The following ADRA1A variants were observed in gnomAD, a reference collection of about 807,000 sequenced individuals.
The protein encoded by ADRA1A is alpha-1A adrenergic receptor.
A neutral mutation model predicts 29.6 loss-of-function variants in ADRA1A; 31 were observed. The observed-to-expected ratio is 1.05, with a 90% CI of 0.79 to 1.41. The LOEUF is 1.41. Among genes scored for constraint, ADRA1A ranks in the 40% most tolerant of loss-of-function variants. The pLI is 0.00. For missense variants in ADRA1A, 619 were observed against 601.1 expected (o/e 1.03, Z -0.31); for synonymous variants, 311 against 254.3 (o/e 1.22, Z -2.12).
chr8:26,850,025 C>CAAAAAAAAAAAAAAAA (rs141672591), intron 2 of ADRA1A, among the ~76,000 whole-genome samples: 1 of 121,548 alleles, frequency 8.2e-6, no homozygotes, highest in Non-Finnish European at 1.7e-5. Flanking sequence ...GAGAGAAATG[C>CAAAAAAAAAAAAAAAA]AAAAACAAAA....
At chr8:26,859,615 G>C (rs1813298376) in intron 2 of ADRA1A, among the ~76,000 whole-genome samples, 1 of 152,098 alleles carries the variant, frequency 6.6e-6, no homozygotes, top group African/African-American at 2.4e-5. Flanking sequence ...TACATAGCCA[G>C]TACATTCTTG....
At chr8:26,786,744 TGGG>T (rs11446463) in intron 2 of ADRA1A, among the ~76,000 whole-genome samples, 3 of 145,498 alleles carry the variant, frequency 2.1e-5, no homozygotes, top group East Asian at 2.0e-4. Flanking sequence ...CATGCTGGGT[TGGG>T]GGGGGGGGTC....
intron 2 of ADRA1A, among the ~76,000 whole-genome samples, chr8:26,834,996 A>G (rs1195187869): frequency 6.6e-6 from 1 of 152,244 alleles, no homozygotes; most frequent in Non-Finnish European, 1.5e-5. Context: ...AATAAATCAT[A>G]AACAATGAAA....
In ADRA1A at chr8:26,775,011, C is replaced by G. The variant is rs1045411466; in HGVS notation, c.884-4345G>C. Among the ~76,000 whole-genome samples the G allele has an allele frequency of 6.6e-6, 1 of 152,150 alleles. No individual in the cohort carries two copies. The highest frequency in any genetic ancestry group is 1.5e-5 in the Non-Finnish European group (1 of 68,038). Reference sequence around the variant, plus strand: ...CTCCAGCCATCAGGACCTAGAGGGTCAGGGCTGAACCAGCCTGGTTCAGGG... The same window carrying G: ...CTCCAGCCATCAGGACCTAGAGGGTGAGGGCTGAACCAGCCTGGTTCAGGG... On this transcript the variant is annotated intron_variant, in intron 2 of 2. Transcript: ENST00000380573. This position sits in a 1 kb window ranked among gnomAD's most constrained non-coding sequence, Gnocchi z 4.1.
intron 2 of ADRA1A, among the ~76,000 whole-genome samples, chr8:26,812,604 C>A (rs1809469623): frequency 6.6e-6 from 1 of 150,800 alleles, no homozygotes; most frequent in Admixed American, 6.6e-5. Flanking sequence ...CTTAATACAT[C>A]CAAAAAAGGG....
chr8:26,776,258 G>T (rs1462808127), intron 2 of ADRA1A, among the ~76,000 whole-genome samples: 2 of 152,194 alleles, frequency 1.3e-5, no homozygotes, highest in African/African-American at 2.4e-5. Flanking sequence ...TTCCTCCTTA[G>T]TTCAACTGTT....
chr8:26,785,541 A>G (rs1257207013), intron 2 of ADRA1A, among the ~76,000 whole-genome samples: 5 of 134,688 alleles, frequency 3.7e-5, no homozygotes, highest in African/African-American at 1.5e-4. Flanking sequence ...TTTAATTGAC[A>G]CATTGATTTT....
intron 2 of ADRA1A, among the ~76,000 whole-genome samples, chr8:26,858,665 A>G (rs1585853951): frequency 6.6e-6 from 1 of 152,332 alleles, no homozygotes; most frequent in African/African-American, 2.4e-5. Flanking sequence ...TGAGAAGCAG[A>G]GTTCTTATCC....
At chr8:26,852,446 T>C (rs1351253059) in intron 2 of ADRA1A, among the ~76,000 whole-genome samples, 2 of 152,006 alleles carry the variant, frequency 1.3e-5, no homozygotes, top group African/African-American at 4.8e-5. Flanking sequence ...ACTTGGATTC[T>C]TTGAAAAAAA....
At chr8:26,867,285 T>C (rs531259853), upstream of ADRA1A, 1 of 985,456 alleles carries the variant, frequency 1.0e-6, no homozygotes, top group African/African-American at 1.7e-5. Flanking sequence ...ACTCAGGCAG[T>C]AGCCCAGCTA....
chr8:26,752,288 G>A (rs1804953750), downstream of ADRA1A, among the ~76,000 whole-genome samples: 1 of 152,162 alleles, frequency 6.6e-6, no homozygotes, highest in Non-Finnish European at 1.5e-5. Flanking sequence ...TCATTTACAT[G>A]GGGCATAGTG....
At chr8:26,764,219 G>A (rs1439657342), downstream of ADRA1A, among the ~76,000 whole-genome samples, 1 of 152,054 alleles carries the variant, frequency 6.6e-6, no homozygotes, top group African/African-American at 2.4e-5. Flanking sequence ...ACTCCCTTTG[G>A]GACCTCTACG....
At chr8:26,772,337 C>T (rs1806230535) in intron 2 of ADRA1A, among the ~76,000 whole-genome samples, 1 of 152,156 alleles carries the variant, frequency 6.6e-6, no homozygotes, top group Non-Finnish European at 1.5e-5. Flanking sequence ...ATTATGAAAT[C>T]CCAAACGTCC....
chr8:26,782,156 C>T (rs1356017025), intron 2 of ADRA1A, among the ~76,000 whole-genome samples: 1 of 152,194 alleles, frequency 6.6e-6, no homozygotes, highest in African/African-American at 2.4e-5. Context: ...GCAGCTCCCT[C>T]CCCTGCCTGG....
At chr8:26,782,853 G>A (rs181025275) in intron 2 of ADRA1A, among the ~76,000 whole-genome samples, 22 of 152,058 alleles carry the variant, frequency 1.4e-4, no homozygotes, top group Admixed American at 1.2e-3. Flanking sequence ...TCACAAAACC[G>A]ACTCTTGCTT....
chr8:26,769,603 T>C lies in ADRA1A; in HGVS notation c.*546A>G, dbSNP rs146009823. The C allele has an allele frequency of 3.0e-4, 291 of 985,502 alleles. 2 individuals carry two copies. In the African/African-American group the frequency reaches 3.9e-3, roughly 13 times the overall value. 61.0% of individuals were successfully genotyped at this position (985,502 alleles called of 1,614,324 possible). On this transcript the variant is annotated 3_prime_UTR_variant, in exon 3 of 3. Coordinates refer to ENST00000380573, the MANE Select transcript of ADRA1A (RefSeq NM_000680.4). ...GCCAAGTTTCCCTCAAGCTGAGAAA[T>C]TGGATGTATCAGAAAGGGTGGAGTT...
chr8:26,756,605 T>C (rs747179458), exon 3 of ADRA1A: 2 of 1,558,840 alleles, frequency 1.3e-6, no homozygotes, highest in Non-Finnish European at 1.7e-6. Flanking sequence ...CTTAGTCAGA[T>C]GGATGCTTGA....
intron 2 of ADRA1A, among the ~76,000 whole-genome samples, chr8:26,804,400 C>T (rs1303485522): frequency 6.6e-6 from 1 of 152,038 alleles, no homozygotes; most frequent in African/African-American, 2.4e-5. Context: ...AAAATTATAC[C>T]TATTACTCTA....
rs1810169754 is a variant in ADRA1A at position 26,821,503 on chromosome 8, C to A, written c.883+42584G>T. Among the ~76,000 whole-genome samples, 1 of 152,084 alleles carries A rather than the reference C, an allele frequency of 6.6e-6. No homozygotes were observed. The highest frequency in any genetic ancestry group is 2.1e-4 in the South Asian group (1 of 4,820). ...GGTGTTAAGCCATTCATGAGGAAGCCAACTCCCTGATCCAATCACCTCCCA... is the reference window on the plus strand; with the variant it reads ...GGTGTTAAGCCATTCATGAGGAAGCAAACTCCCTGATCCAATCACCTCCCA... On this transcript the variant is annotated intron_variant, in intron 2 of 2. Transcript: ENST00000380573. The surrounding 1 kb of genome is among the most constrained non-coding windows in gnomAD (Gnocchi z 5.6).
Sources: gnomAD v4.1 joint callset for allele counts (sites outside exome capture counted in the v4.1 genomes callset) on GRCh38, gnomAD v4.1.1 for gene constraint, Gnocchi (gnomAD v3.1) non-coding constraint, MANE v1.5 for transcripts, NCBI Gene and HGNC (gene_info 2026-07-23, HGNC 2026-07-21) for gene names.